The following VPS8 variants were observed in gnomAD, a reference collection of about 807,000 sequenced individuals.
VPS8 encodes the protein vacuolar protein sorting-associated protein 8 homolog.
Under a neutral mutation model 216.4 loss-of-function variants are expected in VPS8, and 129 were observed. The ratio of observed to expected loss-of-function variants is 0.60; its 90% CI spans 0.52 to 0.69. The LOEUF is 0.69. VPS8 is among the 30% of genes least tolerant of loss of function. VPS8 has a pLI of 0.00. For synonymous variants in VPS8, 571 were observed against 565.4 expected (o/e 1.01, Z -0.14); for missense variants, 1,531 against 1,683.5 (o/e 0.91, Z 1.59).
chr3:184,830,206 A>G (rs946981972), intron 3 of VPS8, among the ~76,000 whole-genome samples: 1 of 152,156 alleles, frequency 6.6e-6, no homozygotes, highest in Non-Finnish European at 1.5e-5. Context: ...AGCACCATGT[A>G]CTAAAAAGAG....
chr3:184,967,784 C>T (rs1022060561), intron 39 of VPS8, among the ~76,000 whole-genome samples: 5 of 150,418 alleles, frequency 3.3e-5, no homozygotes, highest in African/African-American at 7.4e-5. Flanking sequence ...TTGCAATGAG[C>T]GGAGATTGCA....
intron 1 of VPS8, among the ~76,000 whole-genome samples, chr3:184,817,770 C>T (rs972142265): frequency 6.6e-6 from 1 of 152,162 alleles, no homozygotes; most frequent in Admixed American, 6.5e-5. Context: ...AAACATTTTT[C>T]GAATGTCTAC....
intron 3 of VPS8, 113 bp downstream of exon 3, chr3:184,826,344 T>A: frequency 3.2e-6 from 2 of 619,646 alleles, no homozygotes; most frequent in Non-Finnish European, 2.7e-6. Context: ...GGGTAGCCAC[T>A]AGTCGTGTGT....
intron 45 of VPS8, among the ~76,000 whole-genome samples, chr3:185,010,665 A>G (rs1754888309): frequency 6.6e-6 from 1 of 152,138 alleles, no homozygotes. Flanking sequence ...ACTTAACAAT[A>G]TAGCAATAAA....
intron 46 of VPS8, among the ~76,000 whole-genome samples, chr3:185,043,591 G>A (rs1712182629): frequency 6.6e-6 from 1 of 152,198 alleles, no homozygotes; most frequent in Admixed American, 6.5e-5. Flanking sequence ...GACATTGTAT[G>A]TGAAATGTCT....
At chr3:184,947,549 GTT>G (rs759863415) in intron 36 of VPS8, among the ~76,000 whole-genome samples, 2 of 144,582 alleles carry the variant, frequency 1.4e-5, no homozygotes, top group African/African-American at 2.5e-5. Flanking sequence ...TTGTGGGCAG[GTT>G]TTTTTTTTTT....
At chr3:185,015,799 A>T (rs1459632697) in intron 45 of VPS8, among the ~76,000 whole-genome samples, 2 of 152,222 alleles carry the variant, frequency 1.3e-5, no homozygotes, top group African/African-American at 4.8e-5. Context: ...ATATCCATGT[A>T]ATTTAACAAT....
At chr3:184,921,630 G>C (rs1738635370) in intron 29 of VPS8, among the ~76,000 whole-genome samples, 1 of 151,900 alleles carries the variant, frequency 6.6e-6, no homozygotes, top group African/African-American at 2.4e-5. Flanking sequence ...CTAGAGTGCA[G>C]TGGCACGATC....
intron 21 of VPS8, among the ~76,000 whole-genome samples, chr3:184,875,913 C>A (rs1232968335): frequency 6.6e-6 from 1 of 151,742 alleles, no homozygotes; most frequent in African/African-American, 2.4e-5. Flanking sequence ...TCACTTGAGC[C>A]CGGGAGGTTG....
At chr3:184,868,839 T>A in intron 18 of VPS8, 107 bp from the exon 19 acceptor site, 1 of 818,104 alleles carries the variant, frequency 1.2e-6, no homozygotes. Context: ...TTAAAATAAT[T>A]TTAGCCACTA....
chr3:184,954,795 TAAAG>T (rs1473684402), intron 36 of VPS8, among the ~76,000 whole-genome samples: 1 of 152,188 alleles, frequency 6.6e-6, no homozygotes, highest in African/African-American at 2.4e-5. Context: ...TTCAGTATAA[TAAAG>T]AAAATAGTTA....
intron 25 of VPS8, among the ~76,000 whole-genome samples, chr3:184,906,394 A>C (rs1053638592): frequency 6.6e-6 from 1 of 152,166 alleles, no homozygotes; most frequent in Non-Finnish European, 1.5e-5. Flanking sequence ...TAATGTGTTG[A>C]ATGTCTTCTG....
At chr3:184,905,110 C>A (rs1296035790) in intron 25 of VPS8, among the ~76,000 whole-genome samples, 8 of 152,042 alleles carry the variant, frequency 5.3e-5, no homozygotes, top group Admixed American at 5.2e-4. Flanking sequence ...GTCCATCAAG[C>A]CCTTTTTTAC....
Position 184,926,582 on chromosome 3 carries a change from TTCTTCGGCCA to T in VPS8, c.2575-11_2575-2del, listed in dbSNP as rs1662141034. Reference sequence around the variant, plus strand: ...GCTGATATCAAATAAAAAATACTTTTTCTTCGGCCAGGTCCTTGAATTCCTTTGTAGTCCT... The same window carrying T: ...GCTGATATCAAATAAAAAATACTTTTGGTCCTTGAATTCCTTTGTAGTCCT... On this transcript the variant is annotated splice_acceptor_variant and splice_polypyrimidine_tract_variant and intron_variant, in intron 30 of 47. Coordinates refer to ENST00000625842, the MANE Select transcript of VPS8 (RefSeq NM_001009921.3). LOFTEE classifies it high-confidence loss of function. 6.3e-7 allele frequency: 1 copy of T among 1,582,862 alleles called. No homozygotes were observed. The highest frequency in any genetic ancestry group is 1.4e-5 in the African/African-American group (1 of 74,004).
intron 22 of VPS8, among the ~76,000 whole-genome samples, chr3:184,892,376 G>A (rs905216695): frequency 2.0e-5 from 3 of 151,918 alleles, no homozygotes; most frequent in South Asian, 2.1e-4. Flanking sequence ...GCCACCATAC[G>A]CAGCTAATTT....
intron 2 of VPS8, 32 bp from the exon 3 acceptor site, chr3:184,826,131 T>C: frequency 1.3e-6 from 2 of 1,525,072 alleles, no homozygotes; most frequent in Non-Finnish European, 1.8e-6. Flanking sequence ...AAAGGCATCA[T>C]TTTGTGAGCA....
At chr3:184,977,352 T>C (rs1025962047) in intron 40 of VPS8, among the ~76,000 whole-genome samples, 3 of 152,184 alleles carry the variant, frequency 2.0e-5, no homozygotes, top group African/African-American at 7.2e-5. Context: ...ATTCTAGATA[T>C]TAGACATTTG....
chr3:184,886,300 A>G (rs1044115133), intron 22 of VPS8, 144 bp downstream of exon 22: 2 of 789,678 alleles, frequency 2.5e-6, no homozygotes, highest in Middle Eastern at 3.8e-4. Flanking sequence ...AACAGTTTTC[A>G]GTTCATTTAC....
chr3:184,824,622 T>G lies in VPS8; in HGVS notation c.-11T>G. 6.2e-7 allele frequency: 1 copy of G among 1,612,898 alleles called. No homozygotes were observed. Among genetic ancestry groups the G allele is most frequent in the Non-Finnish European group, 8.5e-7 (1 of 1,179,494 alleles). ...GCTTTGATGGACTGAATACTGTTATTAGAAGTAAATATGGAAAATGAACCA... is the reference window on the plus strand; with the variant it reads ...GCTTTGATGGACTGAATACTGTTATGAGAAGTAAATATGGAAAATGAACCA... On this transcript the variant is annotated 5_prime_UTR_variant, in exon 2 of 48. In the 5' UTR this introduces an upstream ATG that the reference lacks. Coordinates refer to ENST00000625842, the MANE Select transcript of VPS8 (RefSeq NM_001009921.3).
Sources: gnomAD v4.1 joint callset for allele counts (sites outside exome capture counted in the v4.1 genomes callset) on GRCh38, gnomAD v4.1.1 for gene constraint, MANE v1.5 for transcripts, NCBI Gene and HGNC (gene_info 2026-07-23, HGNC 2026-07-21) for gene names.